CCBE1: variants seen among roughly 807,000 people sequenced by gnomAD.
The protein encoded by CCBE1 is collagen and calcium-binding EGF domain-containing protein 1.
Under a neutral mutation model 50.0 loss-of-function variants are expected in CCBE1, and 37 were observed. The observed-to-expected ratio is 0.74, with a 90% CI of 0.57 to 0.97. The LOEUF is 0.97. Among genes scored for constraint, CCBE1 ranks in the 50% least tolerant of loss-of-function variants. CCBE1 has a pLI of 0.00. For missense variants in CCBE1, 538 were observed against 523.8 expected (o/e 1.03, Z -0.26); for synonymous variants, 234 against 203.7 (o/e 1.15, Z -1.27).
chr18:59,517,436 G>A (rs1914419884), intron 2 of CCBE1, among the ~76,000 whole-genome samples: 1 of 152,108 alleles, frequency 6.6e-6, no homozygotes, highest in South Asian at 2.1e-4. Flanking sequence ...CTCCATGATG[G>A]CAATTTTGGC....
chr18:59,643,726 C>T (rs1350232422), intron 2 of CCBE1, among the ~76,000 whole-genome samples: 1 of 148,882 alleles, frequency 6.7e-6, no homozygotes, highest in Non-Finnish European at 1.5e-5. Flanking sequence ...GAGGCTGAGG[C>T]AGGAGAATCG....
rs2054782044 is a variant in CCBE1 at position 59,694,722 on chromosome 18, G to GAA, written c.212+1906_212+1907insTT. On this transcript the variant is annotated intron_variant, in intron 2 of 10. Coordinates refer to ENST00000439986, the MANE Select transcript of CCBE1 (RefSeq NM_133459.4). ...AAGGAAAATAATATCCTCTATTCTTGGGATTCAAGAAGAGTAGATTATAGA... is the reference window on the plus strand; with the variant it reads ...AAGGAAAATAATATCCTCTATTCTTGAAGGATTCAAGAAGAGTAGATTATAGA... Among the ~76,000 whole-genome samples the GAA allele has an allele frequency of 2.0e-5, 3 of 152,236 alleles. No individual in the cohort carries two copies. In the East Asian group the frequency reaches 5.8e-4, roughly 29 times the overall value.
At chr18:59,539,560 G>A (rs1292806443) in intron 2 of CCBE1, among the ~76,000 whole-genome samples, 1 of 152,124 alleles carries the variant, frequency 6.6e-6, no homozygotes, top group Non-Finnish European at 1.5e-5. Flanking sequence ...AGAAACATGT[G>A]TTATTTTAAG....
intron 3 of CCBE1, among the ~76,000 whole-genome samples, chr18:59,476,789 G>A (rs1197159306): frequency 6.6e-6 from 1 of 152,168 alleles, no homozygotes; most frequent in Non-Finnish European, 1.5e-5. Context: ...CTAGGCCATG[G>A]TACCCAGCTA....
At chr18:59,583,719 GACT>G (rs2053129969) in intron 2 of CCBE1, among the ~76,000 whole-genome samples, 1 of 151,606 alleles carries the variant, frequency 6.6e-6, no homozygotes, top group African/African-American at 2.4e-5. Flanking sequence ...GTATGTCTGC[GACT>G]ACTGAGTTGA....
chr18:59,518,337 A>C (rs1914460474), intron 2 of CCBE1, among the ~76,000 whole-genome samples: 1 of 152,120 alleles, frequency 6.6e-6, no homozygotes, highest in Admixed American at 6.5e-5. Flanking sequence ...AAAATTACAA[A>C]AATTAGCCGG....
At chr18:59,686,193 T>C (rs1323726417) in intron 2 of CCBE1, 2 of 152,254 alleles carry the variant, frequency 1.3e-5, no homozygotes, top group African/African-American at 2.4e-5. Context: ...TTAAGTGGCA[T>C]CAGTGTGTGC....
At chr18:59,514,811 TTAAG>T (rs1162196569) in intron 2 of CCBE1, among the ~76,000 whole-genome samples, 3 of 152,090 alleles carry the variant, frequency 2.0e-5, no homozygotes, top group Non-Finnish European at 4.4e-5. Flanking sequence ...CAGACACATT[TTAAG>T]TTTTTTTTTG....
rs545143406 is a variant in CCBE1, at chr18:59,484,313, CGT to C, written c.213-4077_213-4076del. On this transcript the variant is annotated intron_variant, in intron 2 of 10. Transcript: ENST00000439986. ...GTTGGATACAAGGGGGAAAAACCCACGTGTTTTTGATACTCAAATCGAACATC... is the reference window on the plus strand; with the variant it reads ...GTTGGATACAAGGGGGAAAAACCCACGTTTTTGATACTCAAATCGAACATC... 2.6e-5 allele frequency among the ~76,000 whole-genome samples: 4 copies of C among 152,278 alleles called. No homozygotes were observed. The South Asian group carries it at 8.3e-4, about 32-fold the overall frequency.
At chr18:59,646,297 G>T (rs1471497044) in intron 2 of CCBE1, among the ~76,000 whole-genome samples, 1 of 152,200 alleles carries the variant, frequency 6.6e-6, no homozygotes, top group Non-Finnish European at 1.5e-5. Flanking sequence ...AGTTTCCTGT[G>T]GGCCAGATAG....
At chr18:59,548,900 C>T (rs1283167630) in intron 2 of CCBE1, among the ~76,000 whole-genome samples, 1 of 151,998 alleles carries the variant, frequency 6.6e-6, no homozygotes, top group East Asian at 1.9e-4. Flanking sequence ...GCCAGGAGTT[C>T]AAGACCAGCC....
At chr18:59,636,263 AAGACAAAAT>A (rs375282529) in intron 2 of CCBE1, among the ~76,000 whole-genome samples, 1 of 152,232 alleles carries the variant, frequency 6.6e-6, no homozygotes, top group African/African-American at 2.4e-5. Flanking sequence ...ATATTAAAAC[AAGACAAAAT>A]AGACATTGAG....
rs372242408 is a variant in CCBE1, at chr18:59,574,489, A to G, written c.213-94251T>C. Among the ~76,000 whole-genome samples the G allele has an allele frequency of 8.1e-4, 124 of 152,372 alleles. 1 individual carries two copies. The South Asian group carries it at 0.016, about 20-fold the overall frequency. ...TTATATTGGCCTAACATGACTTGTTATAAATTGAGTCAAAACCACGAGCTG... is the reference window on the plus strand; with the variant it reads ...TTATATTGGCCTAACATGACTTGTTGTAAATTGAGTCAAAACCACGAGCTG... On this transcript the variant is annotated intron_variant, in intron 2 of 10. Transcript: ENST00000439986.
chr18:59,516,297 T>C (rs1914370548), intron 2 of CCBE1, among the ~76,000 whole-genome samples: 1 of 152,002 alleles, frequency 6.6e-6, no homozygotes, highest in South Asian at 2.1e-4. Flanking sequence ...ATAGATACCA[T>C]GATGCCAAGG....
intron 2 of CCBE1, among the ~76,000 whole-genome samples, chr18:59,677,612 A>C (rs2054522985): frequency 1.3e-5 from 2 of 152,294 alleles, no homozygotes; most frequent in East Asian, 3.9e-4. Flanking sequence ...AATTCAACAC[A>C]GAGAAAGATA....
At chr18:59,480,097 G>A in intron 3 of CCBE1, 89 bp downstream of exon 3, 1 of 898,564 alleles carries the variant, frequency 1.1e-6, no homozygotes, top group South Asian at 1.4e-5. Context: ...ACACAGATAA[G>A]ACCTATATTC....
At chr18:59,623,319 T>C (rs2053736745) in intron 2 of CCBE1, among the ~76,000 whole-genome samples, 2 of 152,206 alleles carry the variant, frequency 1.3e-5, no homozygotes, top group Non-Finnish European at 2.9e-5. Flanking sequence ...AGAAACATTT[T>C]CTCCTCCCTT....
At chr18:59,682,906 C>A (rs2054610411) in intron 2 of CCBE1, among the ~76,000 whole-genome samples, 1 of 152,188 alleles carries the variant, frequency 6.6e-6, no homozygotes, top group African/African-American at 2.4e-5. Flanking sequence ...ATGTCCAAAA[C>A]AGAGTTCTTT....
chr18:59,481,154 A>G (rs1912551602), intron 2 of CCBE1, among the ~76,000 whole-genome samples: 2 of 152,240 alleles, frequency 1.3e-5, no homozygotes, highest in African/African-American at 4.8e-5. Flanking sequence ...AGAACAAAAC[A>G]GAAATTATAG....
Sources: gnomAD v4.1 joint callset for allele counts (sites outside exome capture counted in the v4.1 genomes callset) on GRCh38, gnomAD v4.1.1 for gene constraint, MANE v1.5 for transcripts, NCBI Gene and HGNC (gene_info 2026-07-23, HGNC 2026-07-21) for gene names.